Variants in BCKDHB observed in about 807,000 individuals in gnomAD.
BCKDHB encodes branched chain keto acid dehydrogenase E1 subunit beta.
In BCKDHB, 41 loss-of-function variants were observed where a neutral mutation model predicts 48.5. The observed-to-expected ratio is 0.85, with a 90% CI of 0.66 to 1.10. The LOEUF (loss-of-function observed/expected upper bound fraction) is 1.10, where lower values mean the gene tolerates loss of function less well. Ranked by LOEUF, BCKDHB falls within the 50% of genes least tolerant of loss-of-function variation. The pLI, the probability that BCKDHB is intolerant of heterozygous loss-of-function variation, is 0.00. For missense variants in BCKDHB, 496 were observed against 494.2 expected (o/e 1.00, Z -0.03); for synonymous variants, 201 against 174.8 (o/e 1.15, Z -1.18).
At chr6:80,317,185 A>T (rs966384399) in intron 9 of BCKDHB, among the ~76,000 whole-genome samples, 10 of 152,160 alleles carry the variant, frequency 6.6e-5, no homozygotes, top group African/African-American at 2.2e-4. Context: ...AAATTCAAAG[A>T]TATCTGTGTT....
intron 9 of BCKDHB, among the ~76,000 whole-genome samples, chr6:80,295,075 C>T (rs767933148): frequency 1.1e-4 from 16 of 152,234 alleles, no homozygotes; most frequent in Middle Eastern, 3.4e-3. Context: ...TGTGATGTCA[C>T]CCCCAGCAGC....
chr6:80,121,924 C>T (rs150903595), intron 1 of BCKDHB, among the ~76,000 whole-genome samples: 4,222 of 152,190 alleles, frequency 0.028, 79 homozygotes, highest in African/African-American at 0.039. Flanking sequence ...ATCCTTGTCT[C>T]GTGCCAGTTT....
intron 9 of BCKDHB, among the ~76,000 whole-genome samples, chr6:80,297,330 CAA>C (rs1204978049): frequency 2.6e-5 from 4 of 152,030 alleles, no homozygotes; most frequent in African/African-American, 9.7e-5. Flanking sequence ...CCTTCATTTC[CAA>C]AAGATTACTA....
At chr6:80,221,388 G>A (rs1186372237) in intron 8 of BCKDHB, among the ~76,000 whole-genome samples, 2 of 152,162 alleles carry the variant, frequency 1.3e-5, no homozygotes, top group Non-Finnish European at 2.9e-5. Flanking sequence ...AGAGAAAAGG[G>A]ACATGAAAGC....
intron 8 of BCKDHB, among the ~76,000 whole-genome samples, chr6:80,236,672 T>C (rs1776160091): frequency 6.6e-6 from 1 of 152,214 alleles, no homozygotes; most frequent in South Asian, 2.1e-4. Context: ...AGACACATAC[T>C]AACAAGGGTT....
chr6:80,351,413 C>T, the BCKDHB span, among the ~76,000 whole-genome samples: 1 of 152,066 alleles, frequency 6.6e-6, no homozygotes, highest in African/African-American at 2.4e-5. Context: ...CTTTTCTGTT[C>T]TTGTAGTTAC....
chr6:80,389,159 G>A, the BCKDHB span, among the ~76,000 whole-genome samples: 1 of 152,204 alleles, frequency 6.6e-6, no homozygotes, highest in East Asian at 1.9e-4. Context: ...TAATCAAGTA[G>A]ATAGGATGAC....
intron 8 of BCKDHB, among the ~76,000 whole-genome samples, chr6:80,221,268 C>T (rs1018288015): frequency 7.9e-5 from 12 of 152,166 alleles, no homozygotes; most frequent in African/African-American, 2.9e-4. Flanking sequence ...TTTCATCACA[C>T]ACCCACAAAA....
intron 1 of BCKDHB, among the ~76,000 whole-genome samples, chr6:80,108,938 C>T (rs1769273851): frequency 6.6e-6 from 1 of 152,198 alleles, no homozygotes; most frequent in Non-Finnish European, 1.5e-5. Context: ...TGTATCCTTA[C>T]AGGTATTTCC....
chr6:80,118,874 C>T (rs1480132075), intron 1 of BCKDHB, among the ~76,000 whole-genome samples: 1 of 152,134 alleles, frequency 6.6e-6, no homozygotes, highest in South Asian at 2.1e-4. Context: ...ACTCCTCATC[C>T]ATTGAAGTTT....
chr6:80,321,564 C>T (rs1362077487), intron 9 of BCKDHB, among the ~76,000 whole-genome samples: 1 of 152,080 alleles, frequency 6.6e-6, no homozygotes, highest in African/African-American at 2.4e-5. Flanking sequence ...CCTTTTAAAC[C>T]TACACCTGTT....
In BCKDHB at chr6:80,307,658, A is replaced by G. The variant is rs986656666; in HGVS notation, c.1038+34437A>G. On this transcript the variant is annotated intron_variant, in intron 9 of 9. Coordinates refer to ENST00000320393, the MANE Select transcript of BCKDHB (RefSeq NM_183050.4). ...TAGCCATTATAGAAAATGTAAAAAA[A>G]ATTATTTGTATTCACATTAGGCCTA... 7 of 976,988 alleles carry G rather than the reference A, an allele frequency of 7.2e-6. No individual in the cohort carries two copies. In the African/African-American group the frequency reaches 8.8e-5, roughly 12 times the overall value. 60.5% of individuals were successfully genotyped at this position (976,988 alleles called of 1,614,324 possible).
rs973988775 is a variant in BCKDHB, at chr6:80,273,329, A to C, written c.1038+108A>C. The C allele has an allele frequency of 3.2e-6, 3 of 929,456 alleles. No individual in the cohort carries two copies. In the South Asian group the frequency reaches 4.1e-5, roughly 13 times the overall value. 57.6% of individuals were successfully genotyped at this position (929,456 alleles called of 1,614,324 possible). ...TATGTGAAAGCATACACTTTATGGA[A>C]ATGTAGTGCATGCTTTCATATACTG... On this transcript the variant is annotated intron_variant, in intron 9 of 9. Transcript: ENST00000320393.
intron 6 of BCKDHB, among the ~76,000 whole-genome samples, chr6:80,177,099 C>T (rs574763177): frequency 5.3e-5 from 8 of 150,862 alleles, no homozygotes; most frequent in Admixed American, 1.3e-4. Flanking sequence ...TCATGGCATG[C>T]GCCTGTGGTC....
chr6:80,141,868 A>G (rs1339881629), intron 3 of BCKDHB, among the ~76,000 whole-genome samples: 2 of 152,108 alleles, frequency 1.3e-5, no homozygotes, highest in Non-Finnish European at 2.9e-5. Context: ...GTAATATGAA[A>G]GATGTTGCTA....
rs150829949 is a variant in BCKDHB at position 80,188,461 on chromosome 6, C to A, written c.743-12473C>A. On this transcript the variant is annotated intron_variant, in intron 6 of 9. Coordinates refer to ENST00000320393, the MANE Select transcript of BCKDHB (RefSeq NM_183050.4). ...GACCAGCCTGGGCAACATGGTGAGACCCCCGTCTCTACAAAAAAAATACAA... is the reference window on the plus strand; with the variant it reads ...GACCAGCCTGGGCAACATGGTGAGAACCCCGTCTCTACAAAAAAAATACAA... Among the ~76,000 whole-genome samples the A allele has an allele frequency of 9.1e-4, 138 of 152,062 alleles. 1 individual carries two copies. The highest frequency in any genetic ancestry group is 3.0e-3 in the African/African-American group (126 of 41,486).
rs557566744 is a variant in BCKDHB, at chr6:80,167,432, G to A, written c.344-246G>A. 7.6e-4 allele frequency among the ~76,000 whole-genome samples: 116 copies of A among 151,834 alleles called. 1 individual carries two copies. In the South Asian group the frequency reaches 0.02, roughly 26 times the overall value. ...TTACTATTTTTTTTTAATAGAGACA[G>A]GTTTTCACTATGTTGGCCAGGTTGG... is the stretch of plus-strand genomic sequence containing the variant. On this transcript the variant is annotated intron_variant, in intron 3 of 9. Coordinates refer to ENST00000320393, the MANE Select transcript of BCKDHB (RefSeq NM_183050.4).
the BCKDHB span, among the ~76,000 whole-genome samples, chr6:80,409,577 TATATATATATATATATATATATA>T: frequency 3.8e-4 from 1 of 2,658 alleles, no homozygotes; most frequent in Admixed American, 1.7e-3. Flanking sequence ...ATTGGTTGCA[TATATATATATATATATATATATA>T]TATATATATA....
At chr6:80,327,947 T>C (rs1279222387) in intron 9 of BCKDHB, among the ~76,000 whole-genome samples, 1 of 133,216 alleles carries the variant, frequency 7.5e-6, no homozygotes, top group African/African-American at 2.7e-5. Flanking sequence ...CCTTCCTTCC[T>C]TTCATTTTTT....
Sources: allele counts gnomAD v4.1 joint callset (sites outside exome capture counted in the v4.1 genomes callset), GRCh38; gene constraint gnomAD v4.1.1; transcripts MANE v1.5; gene names NCBI Gene and HGNC (gene_info 2026-07-23, HGNC 2026-07-21).